The following PTPRN2 variants were observed in gnomAD, a reference collection of about 807,000 sequenced individuals.
PTPRN2 encodes receptor-type tyrosine-protein phosphatase N2.
PTPRN2 carries 74 observed loss-of-function variants against 118.8 expected under a neutral mutation model. That is an observed-to-expected ratio of 0.62 (90% CI 0.52 to 0.76). The LOEUF is 0.76. Among genes scored for constraint, PTPRN2 ranks in the 30% least tolerant of loss-of-function variants. PTPRN2 has a pLI of 0.00. For missense variants in PTPRN2, 1,481 were observed against 1,394.4 expected (o/e 1.06, Z -0.99); for synonymous variants, 641 against 608.0 (o/e 1.05, Z -0.80).
intron 10 of PTPRN2, among the ~76,000 whole-genome samples, chr7:158,085,200 CCCT>C (rs1813220972): frequency 7.3e-6 from 1 of 137,330 alleles, no homozygotes; most frequent in Non-Finnish European, 1.6e-5. Flanking sequence ...CCCATCCACA[CCCT>C]TGACGCCCAT....
chr7:157,593,245 C>G (rs942568001), intron 17 of PTPRN2, among the ~76,000 whole-genome samples: 4 of 149,596 alleles, frequency 2.7e-5, no homozygotes, highest in African/African-American at 9.9e-5. Flanking sequence ...TGGGCATCAT[C>G]ATGGTTGTTG....
intron 1 of PTPRN2, among the ~76,000 whole-genome samples, chr7:158,537,244 C>T (rs1002834421): frequency 1.3e-5 from 2 of 152,280 alleles, no homozygotes; most frequent in South Asian, 2.1e-4. Flanking sequence ...GCATCCTGAG[C>T]GGACTATGAT....
intron 2 of PTPRN2, among the ~76,000 whole-genome samples, chr7:158,371,193 C>T (rs1424383167): frequency 6.6e-6 from 1 of 152,044 alleles, no homozygotes; most frequent in Non-Finnish European, 1.5e-5. Flanking sequence ...CTGACAGCAA[C>T]ATGGATCTCC....
chr7:157,577,549 C>T (rs1021126878), intron 18 of PTPRN2, among the ~76,000 whole-genome samples: 1 of 152,108 alleles, frequency 6.6e-6, no homozygotes. Context: ...CCACGAAACT[C>T]CAAGCAGAGC....
chr7:158,372,920 C>T (rs773871827), intron 2 of PTPRN2, among the ~76,000 whole-genome samples: 9 of 152,328 alleles, frequency 5.9e-5, no homozygotes, highest in South Asian at 2.1e-4. Context: ...TAAGACTCCC[C>T]GACCTGACAG....
intron 4 of PTPRN2, among the ~76,000 whole-genome samples, chr7:158,203,742 G>T (rs182048573): frequency 1.2e-4 from 18 of 152,300 alleles, no homozygotes; most frequent in African/African-American, 4.3e-4. Context: ...GCCCCCAGTG[G>T]AATTTAGAGA....
intron 12 of PTPRN2, among the ~76,000 whole-genome samples, chr7:157,742,572 A>T (rs1218306901): frequency 2.7e-5 from 4 of 149,984 alleles, no homozygotes; most frequent in Non-Finnish European, 5.9e-5. Context: ...AGCATTTTGG[A>T]GGTGAAGCCA....
chr7:158,350,448 G>A (rs561726623), intron 2 of PTPRN2, among the ~76,000 whole-genome samples: 57 of 152,342 alleles, frequency 3.7e-4, no homozygotes, highest in Admixed American at 5.9e-4. Context: ...TGCTGACTGC[G>A]GGCCTGCTTC....
At chr7:158,429,042 A>C (rs1273810220) in intron 2 of PTPRN2, among the ~76,000 whole-genome samples, 1 of 152,170 alleles carries the variant, frequency 6.6e-6, no homozygotes, top group Non-Finnish European at 1.5e-5. Flanking sequence ...AACTGAGACC[A>C]AGGCTTTGGA....
intron 14 of PTPRN2, among the ~76,000 whole-genome samples, chr7:157,645,127 GC>G (rs1336662964): frequency 6.6e-6 from 1 of 152,258 alleles, no homozygotes; most frequent in Non-Finnish European, 1.5e-5. Flanking sequence ...TTCCGTGACA[GC>G]ACCTGTGATT....
chr7:158,259,966 G>A (rs577655267), intron 3 of PTPRN2, among the ~76,000 whole-genome samples: 63 of 148,194 alleles, frequency 4.3e-4, no homozygotes, highest in Non-Finnish European at 8.2e-4. Context: ...ATTTGTCCAC[G>A]CGTCCCTTTG....
intron 12 of PTPRN2, among the ~76,000 whole-genome samples, chr7:157,711,877 A>G (rs1235871757): frequency 6.8e-6 from 1 of 145,998 alleles, no homozygotes; most frequent in Non-Finnish European, 1.5e-5. Flanking sequence ...GGGCCACAAC[A>G]GGGTAGACAT....
In PTPRN2 at chr7:157,808,832, A is replaced by C. The variant is rs1197255709; in HGVS notation, c.1788+89841T>G. ...GCCTGGAATTGACCTTGTTGAAAAC[A>C]CTCTTTTGGATTAAGCATCTATAAG... On this transcript the variant is annotated intron_variant, in intron 12 of 22. Transcript: ENST00000389418. This position sits in a 1 kb window ranked among gnomAD's most constrained non-coding sequence, Gnocchi z 5.0. Among the ~76,000 whole-genome samples the C allele has an allele frequency of 1.3e-5, 2 of 151,946 alleles. No individual in the cohort carries two copies. The highest frequency in any genetic ancestry group is 4.8e-5 in the African/African-American group (2 of 41,360).
At chr7:158,407,144 CGTCCT>C (rs1813531218) in intron 2 of PTPRN2, among the ~76,000 whole-genome samples, 1 of 111,586 alleles carries the variant, frequency 9.0e-6, no homozygotes, top group South Asian at 3.4e-4. Context: ...CTGCGTCCTG[CGTCCT>C]GGGTCCTGGG....
intron 11 of PTPRN2, among the ~76,000 whole-genome samples, chr7:158,073,104 C>T (rs192289604): frequency 5.3e-5 from 8 of 152,292 alleles, no homozygotes; most frequent in African/African-American, 1.2e-4. Context: ...TGCCCAGCAC[C>T]ATCTTTGCAC....
chr7:157,547,959 G>T (rs1332831545), intron 22 of PTPRN2, among the ~76,000 whole-genome samples: 1 of 152,244 alleles, frequency 6.6e-6, no homozygotes, highest in African/African-American at 2.4e-5. Flanking sequence ...GGCGCGTAGG[G>T]CATCGCTGGG....
intron 2 of PTPRN2, among the ~76,000 whole-genome samples, chr7:158,317,210 C>T (rs1370795383): frequency 1.3e-5 from 2 of 152,246 alleles, no homozygotes; most frequent in African/African-American, 4.8e-5. Context: ...CCCCCGAGCC[C>T]TCCTTTTATG....
At chr7:158,064,460 C>T (rs965848944) in intron 11 of PTPRN2, among the ~76,000 whole-genome samples, 4 of 152,078 alleles carry the variant, frequency 2.6e-5, no homozygotes, top group Non-Finnish European at 5.9e-5. Context: ...ATGGGGGAGC[C>T]GGGGGAGCCT....
chr7:157,862,744 C>G (rs116816575), intron 12 of PTPRN2: 1 of 152,218 alleles, frequency 6.6e-6, no homozygotes, highest in African/African-American at 2.4e-5. Flanking sequence ...CGGCCTGCAA[C>G]GCCTTTAGAG....
Sources: gnomAD v4.1 joint callset for allele counts (sites outside exome capture counted in the v4.1 genomes callset) on GRCh38, gnomAD v4.1.1 for gene constraint, Gnocchi (gnomAD v3.1) non-coding constraint, MANE v1.5 for transcripts, NCBI Gene and HGNC (gene_info 2026-07-23, HGNC 2026-07-21) for gene names.